TAF2: variants seen among roughly 807,000 people sequenced by gnomAD.
The protein encoded by TAF2 is transcription initiation factor TFIID subunit 2.
A neutral mutation model predicts 138.5 loss-of-function variants in TAF2; 61 were observed. That is an observed-to-expected ratio of 0.44 (90% CI 0.36 to 0.54). The LOEUF (loss-of-function observed/expected upper bound fraction) is 0.54. TAF2 is among the 20% of genes least tolerant of loss of function. The pLI, the probability that TAF2 is intolerant of heterozygous loss-of-function variation, is 0.00. For missense variants in TAF2, 1,090 were observed against 1,427.9 expected (o/e 0.76, Z 3.81); for synonymous variants, 475 against 469.9 (o/e 1.01, Z -0.14).
At chr8:119,767,217 G>C (rs190018615) in intron 18 of TAF2, 1 of 152,290 alleles carries the variant, frequency 6.6e-6, no homozygotes, top group Admixed American at 6.5e-5. Context: ...CAAGATGGTT[G>C]ATTAGAAGTA....
At chr8:119,755,919 G>T in intron 22 of TAF2, 87 bp downstream of exon 22, 2 of 1,085,656 alleles carry the variant, frequency 1.8e-6, no homozygotes, top group Non-Finnish European at 2.8e-6. Flanking sequence ...TTTACCTTTA[G>T]TTCTAAATGC....
chr8:119,753,271 T>A (rs551977934), intron 22 of TAF2, among the ~76,000 whole-genome samples: 2 of 152,292 alleles, frequency 1.3e-5, no homozygotes, highest in African/African-American at 4.8e-5. Flanking sequence ...TTTTGTAGTT[T>A]TTTTCAGATA....
At chr8:119,762,635 A>T in intron 18 of TAF2, 27 bp from the exon 19 acceptor site, 1 of 1,584,880 alleles carries the variant, frequency 6.3e-7, no homozygotes. Flanking sequence ...TTAAGTGAAG[A>T]TAACAAAATT....
chr8:119,735,680 T>G lies in TAF2; in HGVS notation c.3338-3494A>C, dbSNP rs77373478. Among the ~76,000 whole-genome samples, 1,085 of 152,316 alleles carry G rather than the reference T, an allele frequency of 7.1e-3. 14 individuals carry two copies. Among genetic ancestry groups the G allele is most frequent in the African/African-American group, 0.025 (1,030 of 41,564 alleles). On this transcript the variant is annotated intron_variant, in intron 25 of 25. Coordinates refer to ENST00000378164, the MANE Select transcript of TAF2 (RefSeq NM_003184.4). Reference sequence around the variant, plus strand: ...ATACAGACAAGTTTGGAGAACTGTATCTTCTGTAATAACTGGTACCCAGAT... The same window carrying G: ...ATACAGACAAGTTTGGAGAACTGTAGCTTCTGTAATAACTGGTACCCAGAT...
intron 4 of TAF2, among the ~76,000 whole-genome samples, 158 bp downstream of exon 4, chr8:119,806,125 C>T (rs1429015797): frequency 6.6e-6 from 1 of 152,114 alleles, no homozygotes; most frequent in Non-Finnish European, 1.5e-5. Flanking sequence ...TGGTCTTGAA[C>T]TCCTGATCTT....
chr8:119,736,575 T>C (rs1380408730), intron 25 of TAF2, among the ~76,000 whole-genome samples: 4 of 152,198 alleles, frequency 2.6e-5, no homozygotes, highest in Admixed American at 2.0e-4. Context: ...ATAGAAAAAT[T>C]AAGCATTTAT....
chr8:119,806,229 T>A (rs773303116), intron 4 of TAF2, 54 bp downstream of exon 4: 27 of 1,422,178 alleles, frequency 1.9e-5, no homozygotes, highest in Non-Finnish European at 2.6e-5. Flanking sequence ...AATTCTCTAG[T>A]GTCTGAATCT....
intron 19 of TAF2, among the ~76,000 whole-genome samples, 176 bp downstream of exon 19, chr8:119,762,239 A>G (rs1821112889): frequency 6.6e-6 from 1 of 152,216 alleles, no homozygotes; most frequent in African/African-American, 2.4e-5. Context: ...TAAAGAGAGA[A>G]AAAATTTAGA....
intron 18 of TAF2, among the ~76,000 whole-genome samples, chr8:119,768,351 T>C (rs1290436502): frequency 6.6e-6 from 1 of 152,216 alleles, no homozygotes; most frequent in African/African-American, 2.4e-5. Flanking sequence ...ACCATGAAGG[T>C]GCATCATTAA....
At chr8:119,762,097 C>T (rs954207706) in intron 19 of TAF2, among the ~76,000 whole-genome samples, 23 of 151,712 alleles carry the variant, frequency 1.5e-4, no homozygotes, top group Non-Finnish European at 2.8e-4. Flanking sequence ...TAAAATCCAA[C>T]GAAATAAAAG....
intron 2 of TAF2, among the ~76,000 whole-genome samples, chr8:119,828,483 C>A (rs946930951): frequency 1.3e-5 from 2 of 152,114 alleles, no homozygotes; most frequent in African/African-American, 4.8e-5. Context: ...CTCTCAGATC[C>A]CCCCTAACAG....
rs1457987027 is a variant in TAF2, at chr8:119,731,328, G to T, written c.*596C>A. 6.6e-6 allele frequency: 1 copy of T among 152,168 alleles called. No individual in the cohort carries two copies. The highest frequency in any genetic ancestry group is 1.5e-5 in the Non-Finnish European group (1 of 68,042). 9.4% of individuals were successfully genotyped at this position (152,168 alleles called of 1,614,324 possible). On this transcript the variant is annotated 3_prime_UTR_variant, in exon 26 of 26. Transcript: ENST00000378164. ...TTCAAAATTTTTTTAAAAAAGAATT[G>T]CTTCCCCAAATCTCAGTATTTTAGA...
At chr8:119,817,818 T>C (rs1317855805) in intron 3 of TAF2, among the ~76,000 whole-genome samples, 1 of 152,220 alleles carries the variant, frequency 6.6e-6, no homozygotes, top group African/African-American at 2.4e-5. Flanking sequence ...TATCTGCTCT[T>C]TATCAGGTGA....
chr8:119,732,009 T>A lies in TAF2; in HGVS notation c.3515A>T (p.Asp1172Val), dbSNP rs775912296. Residue 1172 changes from aspartate (D) to valine (V), a missense_variant, in exon 26 of 26, where the codon GAC becomes GTC. Around this residue, in one of 3 missense-constraint regions of TAF2, gnomAD observed 580 missense variants for 719.6 expected, o/e 0.81. Transcript: ENST00000378164. ...KHKHKHKHKH[D>V]SKEKDKEPFT... ...AGGCTCCTTGTCCTTTTCTTTACTG[T>A]CATGCTTATGCTTGTGTTTGTGCTT... 2 of 1,614,224 alleles carry A rather than the reference T, an allele frequency of 1.2e-6. No individual in the cohort carries two copies. The highest frequency in any genetic ancestry group is 1.7e-6 in the Non-Finnish European group (2 of 1,180,034).
In TAF2 at chr8:119,762,549, A is replaced by ACC. The variant is rs762118720; in HGVS notation, c.2423_2424insGG (p.Ala809ValfsTer5). The ACC allele has an allele frequency of 6.2e-7, 1 of 1,613,886 alleles. No homozygotes were observed. Among genetic ancestry groups the ACC allele is most frequent in the Non-Finnish European group, 8.5e-7 (1 of 1,179,886 alleles). ...TAACTTCATTATTCACACTGACTGC[A>ACC]GGTGTAACAGAGTTGGCCAGGGCAT... On this transcript the variant is annotated frameshift_variant, in exon 19 of 26. Transcript: ENST00000378164. LOFTEE classifies it high-confidence loss of function.
chr8:119,754,507 A>AC (rs1325693878), intron 22 of TAF2, among the ~76,000 whole-genome samples: 2 of 151,932 alleles, frequency 1.3e-5, no homozygotes, highest in Non-Finnish European at 2.9e-5. Flanking sequence ...ACATGGTGAA[A>AC]CCCCATCTCT....
At chr8:119,745,667 A>G (rs1012217707) in intron 23 of TAF2, among the ~76,000 whole-genome samples, 3 of 152,208 alleles carry the variant, frequency 2.0e-5, no homozygotes, top group African/African-American at 7.2e-5. Flanking sequence ...CAATAAAAAA[A>G]CATTTCAGGA....
intron 18 of TAF2, among the ~76,000 whole-genome samples, chr8:119,765,228 A>G (rs1175216028): frequency 6.6e-6 from 1 of 152,216 alleles, no homozygotes; most frequent in East Asian, 1.9e-4. Flanking sequence ...AGTACTTGTC[A>G]AGTGTTCTGG....
intron 2 of TAF2, among the ~76,000 whole-genome samples, chr8:119,829,164 C>G (rs986099723): frequency 6.6e-6 from 1 of 152,182 alleles, no homozygotes; most frequent in Non-Finnish European, 1.5e-5. Context: ...CTACCCTACT[C>G]AATACCCTAC....
Sources: gnomAD v4.1 joint callset for allele counts (sites outside exome capture counted in the v4.1 genomes callset) on GRCh38, gnomAD v4.1.1 for gene constraint, gnomAD v4.1.1 regional missense constraint, MANE v1.5 for transcripts, NCBI Gene and HGNC (gene_info 2026-07-23, HGNC 2026-07-21) for gene names.